TRIM45: variants seen among roughly 807,000 people sequenced by gnomAD.
TRIM45 encodes tripartite motif containing 45, also known as E3 ubiquitin-protein ligase TRIM45.
A neutral mutation model predicts 46.7 loss-of-function variants in TRIM45; 45 were observed. The ratio of observed to expected loss-of-function variants is 0.96; its 90% CI spans 0.76 to 1.24. TRIM45 has a LOEUF of 1.24. Among genes scored for constraint, TRIM45 ranks in the 50% most tolerant of loss-of-function variants. TRIM45 has a pLI of 0.00. For synonymous variants in TRIM45, 259 were observed against 285.8 expected (o/e 0.91, Z 0.94); for missense variants, 680 against 728.4 (o/e 0.93, Z 0.77).
chr1:117,117,734 A>G lies in TRIM45; in HGVS notation c.1222+300T>C, dbSNP rs541931035. Among the ~76,000 whole-genome samples, 2 of 152,216 alleles carry G rather than the reference A, an allele frequency of 1.3e-5. No individual in the cohort carries two copies. The highest frequency in any genetic ancestry group is 4.2e-4 in the South Asian group (2 of 4,812). On this transcript the variant is annotated intron_variant, in intron 2 of 5. Coordinates refer to ENST00000256649, the MANE Select transcript of TRIM45 (RefSeq NM_025188.4). The surrounding 1 kb of genome is among the most constrained non-coding windows in gnomAD (Gnocchi z 4.9). ...GCCCTAGTCACTGCTGTTACCTCCA[A>G]CGGGCACTGTCTCTGTTCTGCCATC...
chr1:117,120,968 G>A lies in TRIM45; in HGVS notation c.234C>T (p.Phe78=), dbSNP rs1650599882. ...GCAGACTTCGTGGCTTGAGTTCCTG[G>A]AATATTGACCCCTCAGAGCTTGTGT... ...DSDTSSEGSI[F]QELKPRSLQS... The change falls in exon 1 of 6, where the codon TTC becomes TTT. Residue 78 remains phenylalanine, a synonymous_variant. Transcript: ENST00000256649. 1 of 1,614,040 alleles carries A rather than the reference G, an allele frequency of 6.2e-7. No homozygotes were observed. Among genetic ancestry groups the A allele is most frequent in the Non-Finnish European group, 8.5e-7 (1 of 1,180,036 alleles).
chr1:117,118,394 TG>T lies in TRIM45; in HGVS notation c.861del (p.Ile288LeufsTer9). On this transcript the variant is annotated frameshift_variant, in exon 2 of 6. Coordinates refer to ENST00000256649, the MANE Select transcript of TRIM45 (RefSeq NM_025188.4). LOFTEE classifies it high-confidence loss of function. This position sits in a 1 kb window ranked among gnomAD's most constrained non-coding sequence, Gnocchi z 5.7. Reference sequence around the variant, plus strand: ...AGCAGCTTGTCCCGATGCTCCTCAATGGCCTTAATGTAGCCCTCCGAGAATG... The same window carrying T: ...AGCAGCTTGTCCCGATGCTCCTCAATGCCTTAATGTAGCCCTCCGAGAATG... ...VRTFSEGYIK[A>X]IEEHRDKLLK... The T allele has an allele frequency of 6.2e-7, 1 of 1,614,142 alleles. No individual in the cohort carries two copies.
intron 1 of TRIM45, among the ~76,000 whole-genome samples, chr1:117,119,908 T>G (rs1414129851): frequency 6.6e-6 from 1 of 152,202 alleles, no homozygotes; most frequent in Non-Finnish European, 1.5e-5. Context: ...ACAAACTTGT[T>G]CTGTTAGTGT....
At position 117,112,512 on chromosome 1, in the gene TRIM45, A is replaced by G. The variant is rs939519925; in HGVS notation, c.1595-59T>C. The G allele has an allele frequency of 2.7e-6, 4 of 1,465,150 alleles. No individual in the cohort carries two copies. The East Asian group carries it at 9.9e-5, about 36-fold the overall frequency. The allele number at this position is 1,465,150 out of a possible 1,614,324, so 90.8% of individuals were successfully genotyped here. A position where few individuals can be genotyped will look rare whatever the true frequency, so the allele number is the denominator to read the frequency against. ...ACCATTAGCGTGGAGGCCAGCAGTT[A>G]CCATTATCATGGAAATTAGACCTCC... is the stretch of plus-strand genomic sequence containing the variant. On this transcript the variant is annotated intron_variant, in intron 5 of 5. Transcript: ENST00000256649.
upstream of TRIM45, chr1:117,121,765 T>A (rs958248997): frequency 2.9e-6 from 2 of 692,646 alleles, no homozygotes; most frequent in African/African-American, 3.8e-5. This position sits in a 1 kb window ranked among gnomAD's most constrained non-coding sequence, Gnocchi z 4.2. Context: ...CTCACACCAA[T>A]CCCAGCCCGG....
At chr1:117,122,835 T>G (rs376451616), upstream of TRIM45, among the ~76,000 whole-genome samples, 856 of 152,306 alleles carry the variant, frequency 5.6e-3, 6 homozygotes, top group Non-Finnish European at 9.8e-3. Flanking sequence ...TCCTTTCCCC[T>G]CCACCTGTTG....
At chr1:117,114,984 C>A (rs1304223421) in intron 4 of TRIM45, among the ~76,000 whole-genome samples, 1 of 152,178 alleles carries the variant, frequency 6.6e-6, no homozygotes. Flanking sequence ...AAAACTCATA[C>A]TCTCTAAAGC....
chr1:117,121,625 G>GCT lies in TRIM45; in HGVS notation c.-425_-424insAG, dbSNP rs559801447. 25 of 542,892 alleles carry GCT rather than the reference G, an allele frequency of 4.6e-5. No homozygotes were observed. The African/African-American group carries it at 4.9e-4, about 11-fold the overall frequency. The allele number at this position is 542,892 out of a possible 1,614,324, so 33.6% of individuals were successfully genotyped here. A position where few individuals can be genotyped will look rare whatever the true frequency, so the allele number is the denominator to read the frequency against. On this transcript the variant is annotated 5_prime_UTR_variant, in exon 1 of 6. Coordinates refer to ENST00000256649, the MANE Select transcript of TRIM45 (RefSeq NM_025188.4). The surrounding 1 kb of genome is among the most constrained non-coding windows in gnomAD (Gnocchi z 4.2). ...CCCCACCCGCGCACGATGAGGTAGGGGCCCTCTTGCTCCTTCCCTCTGCGA... is the reference window on the plus strand; with the variant it reads ...CCCCACCCGCGCACGATGAGGTAGGGCTGCCCTCTTGCTCCTTCCCTCTGCGA...
upstream of TRIM45, among the ~76,000 whole-genome samples, chr1:117,123,732 C>T (rs149845358): frequency 1.2e-3 from 189 of 151,962 alleles, no homozygotes; most frequent in African/African-American, 4.2e-3. Flanking sequence ...AGGGTTCAAG[C>T]GATTCTCCTG....
chr1:117,112,992 C>A (rs918855981), intron 5 of TRIM45, among the ~76,000 whole-genome samples: 4 of 152,156 alleles, frequency 2.6e-5, no homozygotes, highest in African/African-American at 9.7e-5. Flanking sequence ...ATCATCCACT[C>A]CCCTAGCCAT....
rs1471154562 is a variant in TRIM45, at chr1:117,121,455, G to A, written c.-254C>T. The A allele has an allele frequency of 1.9e-6, 1 of 516,384 alleles. No homozygotes were observed. The highest frequency in any genetic ancestry group is 3.4e-6 in the Non-Finnish European group (1 of 295,094). The allele number at this position is 516,384 out of a possible 1,614,324, so 32.0% of individuals were successfully genotyped here. Reference sequence around the variant, plus strand: ...ACACGCCCACGCCCTCCTCTGCCCCGCAAGTCCTCCCCGGATGCGCTTCCA... The same window carrying A: ...ACACGCCCACGCCCTCCTCTGCCCCACAAGTCCTCCCCGGATGCGCTTCCA... On this transcript the variant is annotated 5_prime_UTR_variant, in exon 1 of 6. Coordinates refer to ENST00000256649, the MANE Select transcript of TRIM45 (RefSeq NM_025188.4). The surrounding 1 kb of genome is among the most constrained non-coding windows in gnomAD (Gnocchi z 4.2).
chr1:117,123,763 G>C (rs1022198113), upstream of TRIM45, among the ~76,000 whole-genome samples: 11 of 152,008 alleles, frequency 7.2e-5, no homozygotes, highest in African/African-American at 4.8e-5. Flanking sequence ...CCAGGTAGCT[G>C]GAATTACAGG....
intron 1 of TRIM45, among the ~76,000 whole-genome samples, chr1:117,120,034 A>G (rs926722774): frequency 1.3e-5 from 2 of 152,168 alleles, no homozygotes; most frequent in African/African-American, 2.4e-5. Context: ...CGAAGGGACA[A>G]AAGTGATCCA....
chr1:117,123,178 A>G (rs750979497), upstream of TRIM45, among the ~76,000 whole-genome samples: 80 of 152,222 alleles, frequency 5.3e-4, no homozygotes, highest in Non-Finnish European at 5.7e-4. Context: ...ATATCTCCAA[A>G]GATTTTTAAA....
Position 117,111,979 on chromosome 1 carries a change from A to T in TRIM45, c.*326T>A. 1 of 181,056 alleles carries T rather than the reference A, an allele frequency of 5.5e-6. No individual in the cohort carries two copies. The highest frequency in any genetic ancestry group is 1.1e-5 in the Non-Finnish European group (1 of 87,676). 11.2% of individuals were successfully genotyped at this position (181,056 alleles called of 1,614,324 possible). Reference sequence around the variant, plus strand: ...AAAAAAAAAAGAAAAAAAAAGGGTTATATCAGAAAGGAACTAAACTACCTA... The same window carrying T: ...AAAAAAAAAAGAAAAAAAAAGGGTTTTATCAGAAAGGAACTAAACTACCTA... On this transcript the variant is annotated 3_prime_UTR_variant, in exon 6 of 6. Transcript: ENST00000256649.
Position 117,121,531 on chromosome 1 carries a change from C to A in TRIM45, c.-330G>T. 1 of 535,826 alleles carries A rather than the reference C, an allele frequency of 1.9e-6. No homozygotes were observed. The highest frequency in any genetic ancestry group is 3.3e-6 in the Non-Finnish European group (1 of 305,052). 33.2% of individuals were successfully genotyped at this position (535,826 alleles called of 1,614,324 possible). On this transcript the variant is annotated 5_prime_UTR_variant, in exon 1 of 6. Coordinates refer to ENST00000256649, the MANE Select transcript of TRIM45 (RefSeq NM_025188.4). This position sits in a 1 kb window ranked among gnomAD's most constrained non-coding sequence, Gnocchi z 4.2. ...TGCCAACAAAGTCACCCCTGCACCTCTCGCTCCCTCCACTGCCACCCCCCT... is the reference window on the plus strand; with the variant it reads ...TGCCAACAAAGTCACCCCTGCACCTATCGCTCCCTCCACTGCCACCCCCCT...
rs565675472 is a variant in TRIM45, at chr1:117,118,106, G to A, written c.1150C>T (p.Arg384Cys). Residue 384 changes from arginine (R) to cysteine (C), a missense_variant, in exon 2 of 6, where the codon CGT becomes TGT. Physicochemically the swap from Arg to Cys is radical, Grantham distance 180. Around this residue, in one of 3 missense-constraint regions of TRIM45, gnomAD observed 322 missense variants for 359.3 expected, o/e 0.90. Coordinates refer to ENST00000256649, the MANE Select transcript of TRIM45 (RefSeq NM_025188.4). This position sits in a 1 kb window ranked among gnomAD's most constrained non-coding sequence, Gnocchi z 5.7. ...FCPQEKAGQC[R>C]GYEIYGTINT... ...ATCGTACCATAAATTTCATAGCCAC[G>A]GCACTGGCCTGCTTTCTCCTGAGGA... is the stretch of plus-strand genomic sequence containing the variant. 266 of 1,614,140 alleles carry A rather than the reference G, an allele frequency of 1.6e-4. No individual in the cohort carries two copies. Among genetic ancestry groups the A allele is most frequent in the Admixed American group, 5.2e-4 (31 of 60,028 alleles).
rs1199050515 is a variant in TRIM45, at chr1:117,117,515, A to T, written c.1222+519T>A. Reference sequence around the variant, plus strand: ...AAGGGAACACTCGTTAAAAAAAACCATTTTTTCCCCCAATTAAATGAAACA... The same window carrying T: ...AAGGGAACACTCGTTAAAAAAAACCTTTTTTTCCCCCAATTAAATGAAACA... On this transcript the variant is annotated intron_variant, in intron 2 of 5. Transcript: ENST00000256649. The surrounding 1 kb of genome is among the most constrained non-coding windows in gnomAD (Gnocchi z 4.9). Among the ~76,000 whole-genome samples the T allele has an allele frequency of 6.6e-6, 1 of 152,108 alleles. No homozygotes were observed. Among genetic ancestry groups the T allele is most frequent in the Admixed American group, 6.6e-5 (1 of 15,260 alleles).
In TRIM45 at chr1:117,121,695, C is replaced by T; in HGVS notation, c.-494G>A. On this transcript the variant is annotated 5_prime_UTR_variant, in exon 1 of 6. Coordinates refer to ENST00000256649, the MANE Select transcript of TRIM45 (RefSeq NM_025188.4). This position sits in a 1 kb window ranked among gnomAD's most constrained non-coding sequence, Gnocchi z 4.2. ...GGAATTGCAAGCCGCCGGCGGGCTT[C>T]TCGGTGTCCACCGCCTCTCCCGCGC... The T allele has an allele frequency of 3.6e-6, 2 of 555,180 alleles. No individual in the cohort carries two copies. The highest frequency in any genetic ancestry group is 4.4e-5 in the South Asian group (2 of 45,722). The allele number at this position is 555,180 out of a possible 1,614,324, so 34.4% of individuals were successfully genotyped here. A position where few individuals can be genotyped will look rare whatever the true frequency, so the allele number is the denominator to read the frequency against.
Sources: gnomAD v4.1 joint callset for allele counts (sites outside exome capture counted in the v4.1 genomes callset) on GRCh38, gnomAD v4.1.1 for gene constraint, gnomAD v4.1.1 regional missense constraint, Gnocchi (gnomAD v3.1) non-coding constraint, MANE v1.5 for transcripts, NCBI Gene and HGNC (gene_info 2026-07-23, HGNC 2026-07-21) for gene names.